The following IGFL2 variants were observed in gnomAD, a reference collection of about 807,000 sequenced individuals.
The protein encoded by IGFL2 is insulin growth factor-like family member 2.
Under a neutral mutation model 13.9 loss-of-function variants are expected in IGFL2, and 7 were observed. The ratio of observed to expected loss-of-function variants is 0.51; its 90% CI spans 0.29 to 0.95. The LOEUF (loss-of-function observed/expected upper bound fraction) is 0.95, where lower values mean the gene tolerates loss of function less well. Among genes scored for constraint, IGFL2 ranks in the 40% least tolerant of loss-of-function variants. IGFL2 has a pLI of 0.08. For synonymous variants in IGFL2, 55 were observed against 55.8 expected (o/e 0.99, Z 0.07); for missense variants, 138 against 147.8 (o/e 0.93, Z 0.34).
At chr19:46,103,228 A>G in the IGFL2 span, among the ~76,000 whole-genome samples, 2 of 152,164 alleles carry the variant, frequency 1.3e-5, no homozygotes, top group African/African-American at 4.8e-5. Context: ...GGTAAAAGCA[A>G]CACTCTTCTT....
chr19:46,210,689 G>T, the IGFL2 span, among the ~76,000 whole-genome samples: 40 of 152,270 alleles, frequency 2.6e-4, no homozygotes, highest in African/African-American at 9.4e-4. Context: ...TTCTGGCTCT[G>T]CTGGCAGCTG....
At chr19:46,088,729 A>G in the IGFL2 span, among the ~76,000 whole-genome samples, 1 of 152,248 alleles carries the variant, frequency 6.6e-6, no homozygotes, top group African/African-American at 2.4e-5. Context: ...AGAAGAGGCG[A>G]TGAGAATACA....
At chr19:46,137,367 G>C in the IGFL2 span, 4 of 1,118,402 alleles carry the variant, frequency 3.6e-6, no homozygotes, top group Non-Finnish European at 5.5e-6. Flanking sequence ...TTACAGACCT[G>C]TAGTGTAGAC....
the IGFL2 span, chr19:46,210,079 T>G: frequency 2.0e-5 from 3 of 152,356 alleles, no homozygotes; most frequent in East Asian, 3.8e-4. Context: ...TTTATCAGTT[T>G]GGTCACTGGA....
At chr19:46,135,111 A>G in the IGFL2 span, among the ~76,000 whole-genome samples, 5 of 149,664 alleles carry the variant, frequency 3.3e-5, no homozygotes, top group South Asian at 1.0e-3. Context: ...AAAAAGTTGT[A>G]CAGTTGGTTT....
chr19:46,170,168 A>G, the IGFL2 span, among the ~76,000 whole-genome samples: 2 of 151,944 alleles, frequency 1.3e-5, no homozygotes, highest in South Asian at 4.2e-4. Flanking sequence ...GCACCGAGAG[A>G]GAGTAAGAAT....
chr19:46,183,721 A>C, the IGFL2 span, among the ~76,000 whole-genome samples: 1 of 151,994 alleles, frequency 6.6e-6, no homozygotes, highest in African/African-American at 2.4e-5. Context: ...TTTTTAGTAG[A>C]GATGAAGTTT....
chr19:46,129,240 T>C, the IGFL2 span, among the ~76,000 whole-genome samples: 3 of 152,232 alleles, frequency 2.0e-5, no homozygotes, highest in Admixed American at 6.5e-5. Flanking sequence ...TCTTTTTTAA[T>C]CTAGCTAGTG....
chr19:46,169,847 CAAAAAAAA>C, the IGFL2 span, among the ~76,000 whole-genome samples: 4 of 113,650 alleles, frequency 3.5e-5, no homozygotes, highest in Non-Finnish European at 5.4e-5. Flanking sequence ...GACTCTGTCT[CAAAAAAAA>C]AAAAAAAAAA....
downstream of IGFL2, among the ~76,000 whole-genome samples, chr19:46,161,483 G>A (rs1354466087): frequency 1.3e-5 from 2 of 152,114 alleles, no homozygotes; most frequent in Admixed American, 6.5e-5. Context: ...GTCTTTAAGA[G>A]TTTCCTCTAT....
chr19:46,197,256 C>A, the IGFL2 span: 1 of 193,062 alleles, frequency 5.2e-6, no homozygotes. Flanking sequence ...GCTCCTTGAC[C>A]CTGACCTCAG....
chr19:46,149,531 T>C (rs973235839), intron 1 of IGFL2, among the ~76,000 whole-genome samples: 3 of 151,578 alleles, frequency 2.0e-5, no homozygotes, highest in African/African-American at 7.3e-5. Context: ...GCTGTTCCTC[T>C]CTTTCCCCTC....
At chr19:46,164,224 A>G (rs1412409530), downstream of IGFL2, 1 of 151,044 alleles carries the variant, frequency 6.6e-6, no homozygotes, top group Non-Finnish European at 1.5e-5. Flanking sequence ...TCTCTGTAGG[A>G]TGGAGAACAC....
the IGFL2 span, among the ~76,000 whole-genome samples, chr19:46,187,455 G>A: frequency 6.8e-6 from 1 of 146,184 alleles, no homozygotes; most frequent in East Asian, 2.0e-4. Flanking sequence ...TGTGCTACCT[G>A]ATCAGAGACG....
the IGFL2 span, chr19:46,124,650 G>A: frequency 8.7e-6 from 14 of 1,608,498 alleles, no homozygotes; most frequent in African/African-American, 1.4e-5. Context: ...GTGGCCTCAT[G>A]CTTCCAAAGA....
Position 46,160,700 on chromosome 19 carries a change from A to G in IGFL2, c.160A>G (p.Asn54Asp), listed in dbSNP as rs1600947348. The G allele has an allele frequency of 6.2e-7, 1 of 1,614,110 alleles. No individual in the cohort carries two copies. The highest frequency in any genetic ancestry group is 2.2e-5 in the East Asian group (1 of 44,854). ...CAACCCCTTGGAGCAGTGCTGTTAC[A>G]ATGACGCCATCGTGTCCCTGAGCGA... ...IYNPLEQCCY[N>D]DAIVSLSETR... is the part of the protein sequence containing the mutation. The change falls in exon 3 of 4, where the codon AAT becomes GAT. Residue 54 changes from asparagine (N) to aspartate (D), a missense_variant. Asn to Asp is a conservative substitution (Grantham distance 23). Coordinates refer to ENST00000377693, the MANE Select transcript of IGFL2 (RefSeq NM_001135113.2).
chr19:46,149,513 C>T (rs1036286980), intron 1 of IGFL2, among the ~76,000 whole-genome samples: 6 of 151,668 alleles, frequency 4.0e-5, no homozygotes, highest in African/African-American at 1.5e-4. Flanking sequence ...CCACCGCATG[C>T]CCATTTAGCT....
At chr19:46,113,216 G>C in the IGFL2 span, 1 of 190,646 alleles carries the variant, frequency 5.2e-6, no homozygotes, top group East Asian at 1.7e-4. Flanking sequence ...TCCTCTCTTA[G>C]AGGGAGATGA....
upstream of IGFL2, among the ~76,000 whole-genome samples, chr19:46,139,416 C>T (rs988404308): frequency 1.3e-5 from 2 of 151,694 alleles, no homozygotes; most frequent in Non-Finnish European, 2.9e-5. Flanking sequence ...GAAAGAACCT[C>T]TATGCACATG....
Sources: allele counts gnomAD v4.1 joint callset (sites outside exome capture counted in the v4.1 genomes callset), GRCh38; gene constraint gnomAD v4.1.1; transcripts MANE v1.5; gene names NCBI Gene and HGNC (gene_info 2026-07-23, HGNC 2026-07-21).